MIS18BP1: variants seen among roughly 807,000 people sequenced by gnomAD.
The protein encoded by MIS18BP1 is MIS18 binding protein 1.
MIS18BP1 carries 72 observed loss-of-function variants against 116.1 expected under a neutral mutation model. The ratio of observed to expected loss-of-function variants is 0.62; its 90% CI spans 0.51 to 0.75. MIS18BP1 has a LOEUF of 0.75. Ranked by LOEUF, MIS18BP1 falls within the 30% of genes least tolerant of loss-of-function variation. The pLI is 0.00. For missense variants in MIS18BP1, 1,363 were observed against 1,303.2 expected (o/e 1.05, Z -0.71); for synonymous variants, 386 against 427.0 (o/e 0.90, Z 1.18).
At chr14:45,225,517 T>C (rs1891101210) in intron 10 of MIS18BP1, among the ~76,000 whole-genome samples, 1 of 152,114 alleles carries the variant, frequency 6.6e-6, no homozygotes, top group Non-Finnish European at 1.5e-5. Context: ...CACTGAAACC[T>C]TACTAAGTAT....
chr14:45,243,327 T>C (rs982746832), intron 2 of MIS18BP1, among the ~76,000 whole-genome samples: 1 of 152,178 alleles, frequency 6.6e-6, no homozygotes. Context: ...CTTTAAAAAT[T>C]AAAATGTTGA....
intron 1 of MIS18BP1, among the ~76,000 whole-genome samples, chr14:45,251,455 ACTC>A (rs962002996): frequency 4.4e-4 from 67 of 152,116 alleles, no homozygotes; most frequent in Middle Eastern, 3.4e-3. Flanking sequence ...GAATGTAACT[ACTC>A]CTCCTCCTCC....
At chr14:45,222,589 G>C (rs1328964283) in intron 11 of MIS18BP1, among the ~76,000 whole-genome samples, 2 of 152,102 alleles carry the variant, frequency 1.3e-5, no homozygotes, top group African/African-American at 4.8e-5. Context: ...AGTGCTGTTA[G>C]GATCTTCCTG....
chr14:45,246,676 T>C, intron 2 of MIS18BP1, 67 bp downstream of exon 2: 2 of 1,458,790 alleles, frequency 1.4e-6, no homozygotes, highest in Non-Finnish European at 1.8e-6. Context: ...TCTGAGCACC[T>C]AAAACAGTGT....
chr14:45,217,345 C>T (rs1004717241), intron 12 of MIS18BP1, among the ~76,000 whole-genome samples, 166 bp from the exon 13 acceptor site: 19 of 151,912 alleles, frequency 1.3e-4, no homozygotes, highest in African/African-American at 3.9e-4. Context: ...CCCAGCACTT[C>T]GGGAGGCCAA....
At chr14:45,213,334 A>G (rs1376023188) in intron 13 of MIS18BP1, among the ~76,000 whole-genome samples, 1 of 152,216 alleles carries the variant, frequency 6.6e-6, no homozygotes, top group Non-Finnish European at 1.5e-5. Context: ...GACAGAAGAT[A>G]AACAAGAATG....
Position 45,242,341 on chromosome 14 carries a change from T to A in MIS18BP1, c.836A>T (p.Gln279Leu). Residue 279 changes from glutamine to leucine, a missense_variant, in exon 4 of 17, where the codon CAA (glutamine) becomes CTA (leucine). Physicochemically the swap from Gln to Leu is moderately radical, Grantham distance 113 (BLOSUM62 -2). Transcript: ENST00000310806. ...AGTCTCAGCATTAGTATTTTGAAATTGTTCATCAGCAGAATCAACGCTTTC... is the reference window on the plus strand; with the variant it reads ...AGTCTCAGCATTAGTATTTTGAAATAGTTCATCAGCAGAATCAACGCTTTC... ...VLESVDSADE[Q>L]FQNTNAETLS... 1.2e-6 allele frequency: 2 copies of A among 1,614,032 alleles called. No individual in the cohort carries two copies. The highest frequency in any genetic ancestry group is 2.2e-5 in the South Asian group (2 of 91,078).
chr14:45,235,452 G>A (rs752123391), intron 6 of MIS18BP1, among the ~76,000 whole-genome samples: 12 of 151,556 alleles, frequency 7.9e-5, no homozygotes, highest in Admixed American at 1.3e-4. Flanking sequence ...TTAGTTGGGT[G>A]TGGTGGCAGG....
Position 45,242,226 on chromosome 14 carries a change from T to C in MIS18BP1, c.951A>G (p.Lys317=), listed in dbSNP as rs1891597375. The change falls in exon 4 of 17, where the codon AAA becomes AAG. Residue 317 remains lysine, a synonymous_variant. Transcript: ENST00000310806. ...ERTTEGTSQQ[K]VKEGNGKTVP... ...CTGTTTTTCCATTTCCTTCCTTAAC[T>C]TTCTGTTGCGAAGTCCCTTCTGTTG... 3 of 1,614,026 alleles carry C rather than the reference T, an allele frequency of 1.9e-6. No individual in the cohort carries two copies. The highest frequency in any genetic ancestry group is 1.7e-5 in the Admixed American group (1 of 60,006).
intron 1 of MIS18BP1, among the ~76,000 whole-genome samples, chr14:45,252,179 A>G (rs1183596993): frequency 6.6e-6 from 1 of 152,212 alleles, no homozygotes; most frequent in Non-Finnish European, 1.5e-5. Flanking sequence ...CCAACAGGCA[A>G]CAGTCTACAC....
intron 7 of MIS18BP1, 129 bp downstream of exon 7, chr14:45,232,604 G>T: frequency 1.6e-6 from 1 of 631,366 alleles, no homozygotes; most frequent in Non-Finnish European, 2.9e-6. Flanking sequence ...AGACCAGTCT[G>T]GCCAACATGA....
At position 45,242,092 on chromosome 14, in the gene MIS18BP1, G is replaced by A. The variant is rs367659314; in HGVS notation, c.1085C>T (p.Ser362Leu). 2 of 1,613,468 alleles carry A rather than the reference G, an allele frequency of 1.2e-6. No homozygotes were observed. Among genetic ancestry groups the A allele is most frequent in the African/African-American group, 1.3e-5 (1 of 74,842 alleles). The change falls in exon 4 of 17, where the codon TCA (serine) becomes TTA (leucine). Residue 362 changes from serine (S) to leucine (L), a missense_variant. Transcript: ENST00000310806. The stretch of plus-strand genomic sequence containing the variant: ...AAATATTCTTGGAGGAGAAAGCTTT[G>A]AAATATTTCTTTTTGACCTCCGAGG... ...TIPRRSKRNISKLSPPRIFQT... is the reference protein window; with the variant it reads ...TIPRRSKRNILKLSPPRIFQT...
In MIS18BP1 at chr14:45,235,843, A is replaced by T; in HGVS notation, c.1319T>A (p.Met440Lys). 6.2e-7 allele frequency: 1 copy of T among 1,608,260 alleles called. No individual in the cohort carries two copies. The highest frequency in any genetic ancestry group is 1.3e-5 in the African/African-American group (1 of 74,720). ...ISGNVYILKG[M>K]IDQISMKEAG... ...TTCTTTCATGGAAATTTGGTCTATC[A>T]TGCCTTTTAATATATAAACGTTGCC... Residue 440 changes from methionine (M) to lysine (K), a missense_variant, in exon 6 of 17, where the codon ATG becomes AAG. Coordinates refer to ENST00000310806, the MANE Select transcript of MIS18BP1 (RefSeq NM_018353.5).
Position 45,247,383 on chromosome 14 carries a change from G to T in MIS18BP1, c.-91-6C>A, listed in dbSNP as rs1424479304. The T allele has an allele frequency of 2.0e-6, 2 of 1,025,446 alleles. No individual in the cohort carries two copies. The highest frequency in any genetic ancestry group is 1.4e-6 in the Non-Finnish European group (1 of 723,576). The allele number at this position is 1,025,446 out of a possible 1,614,324, so 63.5% of individuals were successfully genotyped here. A position where few individuals can be genotyped will look rare whatever the true frequency, so the allele number is the denominator to read the frequency against. ...CAGAAGGGATCCACAGAAACCTGTA[G>T]TTCAACGTAAAATCAGCCTTTATCA... On this transcript the variant is annotated splice_polypyrimidine_tract_variant and splice_region_variant and intron_variant, in intron 1 of 16. Coordinates refer to ENST00000310806, the MANE Select transcript of MIS18BP1 (RefSeq NM_018353.5).
At chr14:45,222,055 T>C (rs553202400) in intron 11 of MIS18BP1, among the ~76,000 whole-genome samples, 2 of 152,360 alleles carry the variant, frequency 1.3e-5, no homozygotes, top group South Asian at 4.1e-4. Context: ...GATATTAATA[T>C]AGCCACTCAA....
chr14:45,232,640 C>T (rs1040521479), intron 7 of MIS18BP1, 93 bp downstream of exon 7: 3 of 751,138 alleles, frequency 4.0e-6, no homozygotes, highest in Admixed American at 2.7e-5. Context: ...ATTAAAAATA[C>T]AAAAATTAGC....
chr14:45,221,086 G>A, intron 11 of MIS18BP1, among the ~76,000 whole-genome samples: 1 of 151,964 alleles, frequency 6.6e-6, no homozygotes, highest in South Asian at 2.1e-4. Flanking sequence ...AGTGAGCTGA[G>A]ATCGTACCAC....
Position 45,224,028 on chromosome 14 carries a change from T to A in MIS18BP1, c.2559A>T (p.Pro853=). Reference sequence around the variant, plus strand: ...TATCAGATCCTACTGCCTCAGTAATTGGAAACTCTTTCCTAACACCAGACT... The same window carrying A: ...TATCAGATCCTACTGCCTCAGTAATAGGAAACTCTTTCCTAACACCAGACT... ...LQKSGVRKEF[P]ITEAVGSDKT... is the part of the protein sequence containing the mutation. Residue 853 remains proline, a synonymous_variant, in exon 11 of 17, where the codon CCA becomes CCT. Coordinates refer to ENST00000310806, the MANE Select transcript of MIS18BP1 (RefSeq NM_018353.5). The A allele has an allele frequency of 6.2e-7, 1 of 1,613,878 alleles. No individual in the cohort carries two copies. Among genetic ancestry groups the A allele is most frequent in the Non-Finnish European group, 8.5e-7 (1 of 1,179,958 alleles).
intron 12 of MIS18BP1, among the ~76,000 whole-genome samples, chr14:45,217,612 T>C (rs1429158819): frequency 6.6e-6 from 1 of 152,082 alleles, no homozygotes; most frequent in Non-Finnish European, 1.5e-5. Context: ...TCTCTTTTTT[T>C]TTTTGTAGAG....
Sources: gnomAD v4.1 joint callset for allele counts (sites outside exome capture counted in the v4.1 genomes callset) on GRCh38, gnomAD v4.1.1 for gene constraint, MANE v1.5 for transcripts, NCBI Gene and HGNC (gene_info 2026-07-23, HGNC 2026-07-21) for gene names.